Variants in ATF6B observed in about 807,000 individuals in gnomAD.
The protein encoded by ATF6B is cyclic AMP-dependent transcription factor ATF-6 beta.
ATF6B carries 50 observed loss-of-function variants against 83.5 expected under a neutral mutation model. That is an observed-to-expected ratio of 0.60 (90% CI 0.48 to 0.76). The LOEUF (loss-of-function observed/expected upper bound fraction) is 0.76, where lower values mean the gene tolerates loss of function less well. Among genes scored for constraint, ATF6B ranks in the 30% least tolerant of loss-of-function variants. ATF6B has a pLI of 0.00. For missense variants in ATF6B, 790 were observed against 893.8 expected (o/e 0.88, Z 1.48); for synonymous variants, 344 against 362.8 (o/e 0.95, Z 0.59).
At chr6:32,126,382 G>C (rs1366797743) in intron 4 of ATF6B, 130 bp from the exon 5 acceptor site, 3 of 1,127,384 alleles carry the variant, frequency 2.7e-6, no homozygotes, top group Non-Finnish European at 3.7e-6. Flanking sequence ...TTGACATTCT[G>C]GTCTGAATGG....
In ATF6B at chr6:32,116,407, C is replaced by T. The variant is rs1253250248; in HGVS notation, c.1882+73G>A. The stretch of plus-strand genomic sequence containing the variant: ...GCTCTCTGGATGCCCTGCTCCTCTC[C>T]CCCTTCCCCCTCAGCTCCCAGGCTG... On this transcript the variant is annotated intron_variant, in intron 17 of 17. Coordinates refer to ENST00000375203, the MANE Select transcript of ATF6B (RefSeq NM_004381.5). This position sits in a 1 kb window ranked among gnomAD's most constrained non-coding sequence, Gnocchi z 5.1. 1 of 1,437,220 alleles carries T rather than the reference C, an allele frequency of 7.0e-7. No individual in the cohort carries two copies. The highest frequency in any genetic ancestry group is 9.5e-7 in the Non-Finnish European group (1 of 1,050,382). The allele number at this position is 1,437,220 out of a possible 1,614,324, so 89.0% of individuals were successfully genotyped here.
chr6:32,121,039 G>T lies in ATF6B; in HGVS notation c.650C>A (p.Ser217Ter), dbSNP rs1254719565. The T allele has an allele frequency of 5.8e-6, 9 of 1,550,374 alleles. No individual in the cohort carries two copies. The highest frequency in any genetic ancestry group is 1.4e-5 in the African/African-American group (1 of 72,682). The change falls in exon 7 of 18, where the codon TCA becomes TAA. Residue 217 changes from serine (S) to a stop codon, truncating the protein, a stop_gained. Coordinates refer to ENST00000375203, the MANE Select transcript of ATF6B (RefSeq NM_004381.5). LOFTEE classifies it high-confidence loss of function. The stretch of plus-strand genomic sequence containing the variant: ...CATGCTGATCTGGACAGCTCCAAGT[G>T]AGGGGGCTGGGACATCCCACAGGAG... Reference protein sequence around the residue: ...GCLLWDVPAPSLGAVQISMGP... With the variant: ...GCLLWDVPAP
Position 32,117,037 on chromosome 6 carries a change from C to T in ATF6B, c.1685G>A (p.Arg562Lys). Reference protein sequence around the residue: ...VPIQPPGPPERDSVGQLQLYR... With the variant: ...VPIQPPGPPEKDSVGQLQLYR... ...AGTAAGCACCCCACCCCACACTCAC[C>T]TTTCTGGGGGTCCAGGGGGTTGGAT... Residue 562 changes from arginine to lysine, a missense_variant and splice_region_variant, in exon 15 of 18, where the codon AGG (arginine) becomes AAG (lysine). By Grantham distance (26) the Arg-to-Lys change is conservative. Around this residue, in one of 3 missense-constraint regions of ATF6B, gnomAD observed 530 missense variants for 632.6 expected, o/e 0.84. Coordinates refer to ENST00000375203, the MANE Select transcript of ATF6B (RefSeq NM_004381.5). The surrounding 1 kb of genome is among the most constrained non-coding windows in gnomAD (Gnocchi z 5.0). 3 of 1,613,926 alleles carry T rather than the reference C, an allele frequency of 1.9e-6. No individual in the cohort carries two copies. Among genetic ancestry groups the T allele is most frequent in the Non-Finnish European group, 2.5e-6 (3 of 1,179,862 alleles).
At chr6:32,122,694 GA>G (rs1423333181) in intron 5 of ATF6B, among the ~76,000 whole-genome samples, 1 of 151,334 alleles carries the variant, frequency 6.6e-6, no homozygotes, top group Non-Finnish European at 1.5e-5. Context: ...TAAAAAAATA[GA>G]AAAATTAGCC....
At position 32,116,883 on chromosome 6, in the gene ATF6B, G is replaced by C; in HGVS notation, c.1686-68C>G. The C allele has an allele frequency of 6.4e-7, 1 of 1,571,770 alleles. No individual in the cohort carries two copies. Among genetic ancestry groups the C allele is most frequent in the Admixed American group, 1.7e-5 (1 of 59,318 alleles). ...ATGCTCAGTTTCTACCAGGGAAGCG[G>C]GTAGGATGAGAGAAAAAGACAGGAG... is the stretch of plus-strand genomic sequence containing the variant. On this transcript the variant is annotated intron_variant, in intron 15 of 17. Coordinates refer to ENST00000375203, the MANE Select transcript of ATF6B (RefSeq NM_004381.5). The surrounding 1 kb of genome is among the most constrained non-coding windows in gnomAD (Gnocchi z 5.1).
In ATF6B at chr6:32,119,087, G is replaced by C; in HGVS notation, c.1021C>G (p.Gln341Glu). The C allele has an allele frequency of 6.2e-7, 1 of 1,613,452 alleles. No individual in the cohort carries two copies. Among genetic ancestry groups the C allele is most frequent in the Non-Finnish European group, 8.5e-7 (1 of 1,179,878 alleles). ...RMIKNRESACQSRRKKKEYLQ... is the reference protein window; with the variant it reads ...RMIKNRESACESRRKKKEYLQ... ...TACTCTTTCTTCTTTCTCCGGGACT[G>C]GCAGGCTGACTCCCGGTTCTTGATC... is the stretch of plus-strand genomic sequence containing the variant. Residue 341 changes from glutamine (Q) to glutamate (E), a missense_variant, in exon 10 of 18, where the codon CAG becomes GAG. Gln to Glu is a conservative substitution (Grantham distance 29). Coordinates refer to ENST00000375203, the MANE Select transcript of ATF6B (RefSeq NM_004381.5). This position sits in a 1 kb window ranked among gnomAD's most constrained non-coding sequence, Gnocchi z 4.9.
chr6:32,116,638 C>G lies in ATF6B; in HGVS notation c.1797+66G>C. On this transcript the variant is annotated intron_variant, in intron 16 of 17. Transcript: ENST00000375203. The surrounding 1 kb of genome is among the most constrained non-coding windows in gnomAD (Gnocchi z 5.1). ...CAAGCTCCCCAGCCCTACTCTACAT[C>G]CCCCCACTGAAGACAGACTGCTGGG... is the stretch of plus-strand genomic sequence containing the variant. 5.6e-6 allele frequency: 9 copies of G among 1,602,608 alleles called. No homozygotes were observed. Among genetic ancestry groups the G allele is most frequent in the Non-Finnish European group, 7.7e-6 (9 of 1,170,048 alleles).
chr6:32,128,220 C>T lies in ATF6B; in HGVS notation c.-13G>A, dbSNP rs777116915. ...TCAGCTCCGCCATCTTTCCCCCCCA[C>T]CCCCCAACCAGGAGACGGTTCCCAA... On this transcript the variant is annotated 5_prime_UTR_variant, in exon 1 of 18. In the 5' UTR this introduces an upstream ATG that the reference lacks. Transcript: ENST00000375203. 5 of 1,603,668 alleles carry T rather than the reference C, an allele frequency of 3.1e-6. No homozygotes were observed. Among genetic ancestry groups the T allele is most frequent in the African/African-American group, 1.4e-5 (1 of 73,556 alleles).
Position 32,128,118 on chromosome 6 carries a change from C to G in ATF6B, c.90G>C (p.Gln30His), listed in dbSNP as rs373753529. The G allele has an allele frequency of 6.2e-7, 1 of 1,613,208 alleles. No homozygotes were observed. The highest frequency in any genetic ancestry group is 2.2e-5 in the East Asian group (1 of 44,870). Residue 30 changes from glutamine (Q) to histidine (H), a missense_variant and splice_region_variant, in exon 1 of 18, where the codon CAG becomes CAC. Gln to His is a conservative substitution (Grantham distance 24, BLOSUM62 0). This residue lies in a region of ATF6B where 253 missense variants were observed against 243.1 expected (regional missense o/e 1.04). Coordinates refer to ENST00000375203, the MANE Select transcript of ATF6B (RefSeq NM_004381.5). The part of the protein sequence containing the change: ...NLLSPEDWGL[Q>H]NSTLYSGLDE... ...CCTCTCCCCTCCCCGGTGCCTCACT[C>G]TGCAGACCCCAGTCCTCCGGGCTAA...
chr6:32,118,668 C>A lies in ATF6B; in HGVS notation c.1244+107G>T. 1.8e-6 allele frequency: 2 copies of A among 1,122,110 alleles called. No individual in the cohort carries two copies. Among genetic ancestry groups the A allele is most frequent in the South Asian group, 1.3e-5 (1 of 75,994 alleles). 69.5% of individuals were successfully genotyped at this position (1,122,110 alleles called of 1,614,324 possible). Reference sequence around the variant, plus strand: ...ATCATCGGTGCCAAGGACACCAGAACCATTTGTATATAAGCAGAAGGAAAT... The same window carrying A: ...ATCATCGGTGCCAAGGACACCAGAAACATTTGTATATAAGCAGAAGGAAAT... On this transcript the variant is annotated intron_variant, in intron 11 of 17. Transcript: ENST00000375203. This position sits in a 1 kb window ranked among gnomAD's most constrained non-coding sequence, Gnocchi z 5.2.
In ATF6B at chr6:32,121,272, G is replaced by C. The variant is rs1177016936; in HGVS notation, c.555C>G (p.Ser185=). 1 of 1,613,946 alleles carries C rather than the reference G, an allele frequency of 6.2e-7. No individual in the cohort carries two copies. The highest frequency in any genetic ancestry group is 1.3e-5 in the African/African-American group (1 of 74,954). ...NSEASLLSAD[S]SSQAFIGEEV... ...GGAAGGTGGTGCTCACCTGGCTGGA[G>C]GAGTCGGCTGAGAGCAGGGAGGCCT... Residue 185 remains serine, a synonymous_variant, in exon 6 of 18, where the codon TCC becomes TCG. Transcript: ENST00000375203.
Position 32,127,268 on chromosome 6 carries a change from C to T in ATF6B, c.251-74G>A, listed in dbSNP as rs759226772. On this transcript the variant is annotated intron_variant, in intron 3 of 17. Coordinates refer to ENST00000375203, the MANE Select transcript of ATF6B (RefSeq NM_004381.5). ...GTCCAAAAAGTACCCAAGGACATGTCGGTGGGGATTCCTGTACCGCAGCAA... is the reference window on the plus strand; with the variant it reads ...GTCCAAAAAGTACCCAAGGACATGTTGGTGGGGATTCCTGTACCGCAGCAA... The T allele has an allele frequency of 2.2e-5, 32 of 1,436,054 alleles. No individual in the cohort carries two copies. In the African/African-American group the frequency reaches 3.5e-4, roughly 16 times the overall value. 89.0% of individuals were successfully genotyped at this position (1,436,054 alleles called of 1,614,324 possible). A position where few individuals can be genotyped will look rare whatever the true frequency, so the allele number is the denominator to read the frequency against.
At position 32,128,240 on chromosome 6, in the gene ATF6B, T is replaced by A. The variant is rs1270273358; in HGVS notation, c.-33A>T. 2.1e-6 allele frequency: 3 copies of A among 1,395,542 alleles called. 1 individual carries two copies. In the South Asian group the frequency reaches 3.5e-5, roughly 16 times the overall value. The allele number at this position is 1,395,542 out of a possible 1,614,324, so 86.4% of individuals were successfully genotyped here. ...CCCCACCCCCCAACCAGGAGACGGT[T>A]CCCAAGGCCCGCCTCTCCCCATCAC... On this transcript the variant is annotated 5_prime_UTR_variant, in exon 1 of 18. Transcript: ENST00000375203.
chr6:32,127,372 G>T, intron 3 of ATF6B, 70 bp downstream of exon 3: 1 of 1,519,964 alleles, frequency 6.6e-7, no homozygotes, highest in South Asian at 1.2e-5. Context: ...AGGAAGCTAC[G>T]TAGTTTCTGG....
intron 1 of ATF6B, 162 bp from the exon 2 acceptor site, chr6:32,127,912 C>A: frequency 9.9e-7 from 1 of 1,005,104 alleles, no homozygotes; most frequent in South Asian, 1.6e-5. Flanking sequence ...CCTTCCCCGA[C>A]CCCGGAACAA....
chr6:32,127,110 G>A lies in ATF6B; in HGVS notation c.335C>T (p.Ser112Phe). 6.2e-7 allele frequency: 1 copy of A among 1,601,944 alleles called. No individual in the cohort carries two copies. The highest frequency in any genetic ancestry group is 8.5e-7 in the Non-Finnish European group (1 of 1,174,458). ...SESSRLSTEP[S>F]SEALGVGEVL... ...GGGATATGGCTCTCTCACCTCGCTG[G>A]ATGGCTCTGTGGAGAGACGCGATGA... Residue 112 changes from serine to phenylalanine, a missense_variant, in exon 4 of 18, where the codon TCC becomes TTC. Ser to Phe is a radical substitution (Grantham distance 155). Transcript: ENST00000375203.
intron 8 of ATF6B, 94 bp from the exon 9 acceptor site, chr6:32,120,051 A>C: frequency 2.5e-5 from 37 of 1,452,790 alleles, no homozygotes; most frequent in Non-Finnish European, 3.0e-5. Context: ...GGGCAGCCTC[A>C]ATGGCTGCAA....
rs1313426141 is a variant in ATF6B at position 32,119,117 on chromosome 6, G to A, written c.991C>T (p.Arg331Ter). Residue 331 changes from arginine to a stop codon, truncating the protein, a stop_gained, in exon 10 of 18, where the codon CGA becomes TGA. Coordinates refer to ENST00000375203, the MANE Select transcript of ATF6B (RefSeq NM_004381.5). LOFTEE classifies it high-confidence loss of function. This position sits in a 1 kb window ranked among gnomAD's most constrained non-coding sequence, Gnocchi z 4.9. ...VDAKLLKRQQ[R>*]MIKNRESACQ... ...GCTGACTCCCGGTTCTTGATCATTCGCTGCTGCCGCTTCAGCAGCTTTGCC... is the reference window on the plus strand; with the variant it reads ...GCTGACTCCCGGTTCTTGATCATTCACTGCTGCCGCTTCAGCAGCTTTGCC... 1.9e-6 allele frequency: 3 copies of A among 1,611,528 alleles called. No individual in the cohort carries two copies. The highest frequency in any genetic ancestry group is 2.5e-6 in the Non-Finnish European group (3 of 1,179,572).
chr6:32,117,029 A>C lies in ATF6B; in HGVS notation c.1685+8T>G. ...ACTTAATAAGTAAGCACCCCACCCC[A>C]CACTCACCTTTCTGGGGGTCCAGGG... On this transcript the variant is annotated splice_region_variant and intron_variant, in intron 15 of 17. Transcript: ENST00000375203. The surrounding 1 kb of genome is among the most constrained non-coding windows in gnomAD (Gnocchi z 5.0). 6.2e-7 allele frequency: 1 copy of C among 1,613,646 alleles called. No individual in the cohort carries two copies. Among genetic ancestry groups the C allele is most frequent in the East Asian group, 2.2e-5 (1 of 44,878 alleles).
Sources: allele counts gnomAD v4.1 joint callset (sites outside exome capture counted in the v4.1 genomes callset), GRCh38; gene constraint gnomAD v4.1.1; regional missense constraint gnomAD v4.1.1; non-coding constraint Gnocchi (gnomAD v3.1); transcripts MANE v1.5; gene names NCBI Gene and HGNC (gene_info 2026-07-23, HGNC 2026-07-21).